The following RARB variants were observed in gnomAD, a reference collection of about 807,000 sequenced individuals.
RARB encodes the protein retinoic acid receptor beta.
Under a neutral mutation model 51.9 loss-of-function variants are expected in RARB, and 17 were observed. That is an observed-to-expected ratio of 0.33 (90% CI 0.22 to 0.49). RARB has a LOEUF of 0.49. Ranked by LOEUF, RARB falls within the 20% of genes least tolerant of loss-of-function variation. The pLI is 0.99. For missense variants in RARB, 369 were observed against 550.8 expected, an observed-to-expected ratio of 0.67 and a Z score of 3.30; for synonymous variants, 215 against 195.4, an observed-to-expected ratio of 1.10 and a Z score of -0.84.
chr3:24,883,850 G>T (rs547586095), intron 2 of RARB, among the ~76,000 whole-genome samples: 3 of 152,076 alleles, frequency 2.0e-5, no homozygotes, highest in Non-Finnish European at 4.4e-5. Flanking sequence ...TCTTGCGTAA[G>T]TTGCTAGTAT....
intron 2 of RARB, among the ~76,000 whole-genome samples, chr3:24,960,282 T>C (rs1488149242): frequency 6.8e-6 from 1 of 146,862 alleles, no homozygotes; most frequent in Non-Finnish European, 1.5e-5. Flanking sequence ...CTTATGAAAT[T>C]GGTGTATTCT....
intron 5 of RARB, among the ~76,000 whole-genome samples, chr3:25,302,866 T>C (rs75808553): frequency 0.039 from 5,912 of 152,326 alleles, 154 homozygotes; most frequent in Middle Eastern, 0.068. Context: ...ATCCACACTT[T>C]TGTGGTTTGG....
intron 4 of RARB, among the ~76,000 whole-genome samples, chr3:25,154,496 T>G (rs1700343440): frequency 6.6e-6 from 1 of 152,308 alleles, no homozygotes; most frequent in East Asian, 1.9e-4. Flanking sequence ...TGCAATAGTC[T>G]CCTGGCTGGT....
intron 5 of RARB, among the ~76,000 whole-genome samples, chr3:25,374,396 T>A (rs1706395219): frequency 6.6e-6 from 1 of 152,044 alleles, no homozygotes; most frequent in Non-Finnish European, 1.5e-5. Flanking sequence ...TAGGTAGGGT[T>A]AAGAAAGACC....
intron 3 of RARB, among the ~76,000 whole-genome samples, chr3:25,080,150 C>T (rs1698964994): frequency 6.6e-6 from 1 of 152,166 alleles, no homozygotes; most frequent in Admixed American, 6.5e-5. Flanking sequence ...CACGAATTTG[C>T]CTGTTTTGGG....
In RARB at chr3:25,205,833, C is replaced by T. The variant is rs544317679; in HGVS notation, c.178+31258C>T. On this transcript the variant is annotated intron_variant, in intron 5 of 11. Coordinates refer to the RARB transcript ENST00000383772. ...TTATGGCTCACTGCAGCCTCAACCTCCTGGGCTCAAATGATCCTCCCACCT... is the reference window on the plus strand; with the variant it reads ...TTATGGCTCACTGCAGCCTCAACCTTCTGGGCTCAAATGATCCTCCCACCT... 2.6e-5 allele frequency among the ~76,000 whole-genome samples: 4 copies of T among 152,116 alleles called. No individual in the cohort carries two copies. The South Asian group carries it at 8.3e-4, about 32-fold the overall frequency.
intron 5 of RARB, among the ~76,000 whole-genome samples, chr3:25,230,335 C>G (rs1702147792): frequency 6.6e-6 from 1 of 152,052 alleles, no homozygotes; most frequent in Admixed American, 6.6e-5. Flanking sequence ...ACTTAGTGGT[C>G]AAGCTGTTCT....
chr3:25,094,969 A>T (rs1236954617), intron 3 of RARB, among the ~76,000 whole-genome samples: 1 of 152,148 alleles, frequency 6.6e-6, no homozygotes, highest in African/African-American at 2.4e-5. Flanking sequence ...ACAAATAGTT[A>T]CCTCATTTGA....
chr3:25,378,017 C>A (rs1026689486), intron 5 of RARB, among the ~76,000 whole-genome samples: 1 of 152,052 alleles, frequency 6.6e-6, no homozygotes, highest in Admixed American at 6.6e-5. Flanking sequence ...TGAAGTGTAG[C>A]AATTTAGATG....
intron 2 of RARB, among the ~76,000 whole-genome samples, chr3:25,017,436 A>G (rs1042308896): frequency 1.3e-5 from 2 of 152,136 alleles, no homozygotes; most frequent in Non-Finnish European, 2.9e-5. Flanking sequence ...AATCAACATT[A>G]ATTCAAATAT....
intron 5 of RARB, among the ~76,000 whole-genome samples, chr3:25,261,582 G>T (rs1702998858): frequency 6.6e-6 from 1 of 152,100 alleles, no homozygotes; most frequent in Non-Finnish European, 1.5e-5. Context: ...CACCTCATCA[G>T]TTCAGGCTTC....
chr3:25,243,741 T>C (rs1702487463), intron 5 of RARB, among the ~76,000 whole-genome samples: 1 of 152,216 alleles, frequency 6.6e-6, no homozygotes. Flanking sequence ...TTCCCTTCGA[T>C]GTTCATCAGG....
At chr3:25,509,409 G>GT (rs540486382) in intron 3 of RARB, among the ~76,000 whole-genome samples, 83 of 152,314 alleles carry the variant, frequency 5.4e-4, no homozygotes, top group African/African-American at 1.9e-3. Flanking sequence ...CCACAGCTGT[G>GT]TTTTATTATA....
intron 2 of RARB, among the ~76,000 whole-genome samples, chr3:25,463,198 C>T (rs1412333691): frequency 1.3e-5 from 2 of 152,042 alleles, no homozygotes; most frequent in Non-Finnish European, 2.9e-5. Context: ...ATGGGCAGAG[C>T]TTCAAAGTAA....
intron 5 of RARB, among the ~76,000 whole-genome samples, chr3:25,405,777 T>G (rs1283177846): frequency 1.3e-5 from 2 of 152,236 alleles, no homozygotes; most frequent in Non-Finnish European, 2.9e-5. Flanking sequence ...ACAGAAAGTT[T>G]TATTGGACAA....
intron 5 of RARB, among the ~76,000 whole-genome samples, chr3:25,202,414 G>GT (rs1312370661): frequency 6.6e-6 from 1 of 151,892 alleles, no homozygotes; most frequent in Admixed American, 6.6e-5. Flanking sequence ...TTTTTGAAGG[G>GT]TTTTTTGTGT....
intron 2 of RARB, among the ~76,000 whole-genome samples, chr3:24,869,883 T>G (rs1442202472): frequency 6.6e-6 from 1 of 152,118 alleles, no homozygotes; most frequent in Non-Finnish European, 1.5e-5. Flanking sequence ...GTATGAGTAT[T>G]CCAGTTGTTT....
chr3:25,310,194 T>C (rs951944025), intron 5 of RARB, among the ~76,000 whole-genome samples: 12 of 152,334 alleles, frequency 7.9e-5, no homozygotes, highest in Non-Finnish European at 1.5e-4. Flanking sequence ...TGATGGTGGC[T>C]GTTTTACTAG....
chr3:24,977,353 G>A (rs1005521223), intron 2 of RARB, among the ~76,000 whole-genome samples: 1 of 152,160 alleles, frequency 6.6e-6, no homozygotes, highest in African/African-American at 2.4e-5. Flanking sequence ...ACTCTGGGCG[G>A]TATGGAGACT....
Sources: allele counts gnomAD v4.1 joint callset (sites outside exome capture counted in the v4.1 genomes callset), GRCh38; gene constraint gnomAD v4.1.1; transcripts MANE v1.5; gene names NCBI Gene and HGNC (gene_info 2026-07-23, HGNC 2026-07-21).